Variants in FAT1 observed in about 807,000 individuals in gnomAD.
FAT1 encodes protocadherin Fat 1.
A neutral mutation model predicts 329.8 loss-of-function variants in FAT1; 171 were observed. The observed-to-expected ratio is 0.52, with a 90% CI of 0.46 to 0.59. The LOEUF (loss-of-function observed/expected upper bound fraction) is 0.59. Among genes scored for constraint, FAT1 ranks in the 20% least tolerant of loss-of-function variants. The pLI, the probability that FAT1 is intolerant of heterozygous loss-of-function variation, is 0.00. For missense variants in FAT1, 5,672 were observed against 5,774.4 expected (o/e 0.98, Z 0.57); for synonymous variants, 2,233 against 2,228.6 (o/e 1.00, Z -0.06).
At chr4:186,694,791 G>A (rs541969282) in intron 2 of FAT1, among the ~76,000 whole-genome samples, 106 of 152,126 alleles carry the variant, frequency 7.0e-4, no homozygotes, top group Non-Finnish European at 6.3e-4. Flanking sequence ...GTGAAACCCC[G>A]TCTCTACAAA....
At chr4:186,594,827 A>G (rs1738425429) in intron 26 of FAT1, among the ~76,000 whole-genome samples, 1 of 151,248 alleles carries the variant, frequency 6.6e-6, no homozygotes, top group South Asian at 2.1e-4. Flanking sequence ...TCTGGATTGA[A>G]TAATTATTAG....
chr4:186,720,000 T>A (rs1387958421), intron 1 of FAT1, among the ~76,000 whole-genome samples: 1 of 152,238 alleles, frequency 6.6e-6, no homozygotes, highest in Non-Finnish European at 1.5e-5. Context: ...TAACCTTGCA[T>A]TAAAGACCTT....
In FAT1 at chr4:186,620,791, T is replaced by C. The variant is rs1261720555; in HGVS notation, c.5795A>G (p.Lys1932Arg). The C allele has an allele frequency of 2.5e-6, 4 of 1,614,054 alleles. No homozygotes were observed. The highest frequency in any genetic ancestry group is 3.4e-6 in the Non-Finnish European group (4 of 1,179,908). ...GTTTTGGACAGTGAGAGCACCAGTC[T>C]TGTAGTCCATAGAAAACTTCTCCCC... ...NIGEKFSMDYKTGALTVQNTT... is the reference protein window; with the variant it reads ...NIGEKFSMDYRTGALTVQNTT... Residue 1932 changes from lysine to arginine, a missense_variant, in exon 10 of 27, where the codon AAG becomes AGG. Around this residue, in one of 2 missense-constraint regions of FAT1, gnomAD observed 3,966 missense variants for 3,915.2 expected, o/e 1.01. Coordinates refer to ENST00000441802, the MANE Select transcript of FAT1 (RefSeq NM_005245.4).
At position 186,620,811 on chromosome 4, in the gene FAT1, C is replaced by T. The variant is rs548241825; in HGVS notation, c.5775G>A (p.Glu1925=). 2 of 1,614,018 alleles carry T rather than the reference C, an allele frequency of 1.2e-6. No homozygotes were observed. The highest frequency in any genetic ancestry group is 4.5e-5 in the East Asian group (2 of 44,884). The change falls in exon 10 of 27, where the codon GAG becomes GAA. Residue 1925 remains glutamate, a synonymous_variant. Coordinates refer to ENST00000441802, the MANE Select transcript of FAT1 (RefSeq NM_005245.4). ...IYSITEGNIG[E]KFSMDYKTGA... ...CAGTCTTGTAGTCCATAGAAAACTTCTCCCCGATGTTGCCTTCGGTGATGG... is the reference window on the plus strand; with the variant it reads ...CAGTCTTGTAGTCCATAGAAAACTTTTCCCCGATGTTGCCTTCGGTGATGG...
At chr4:186,692,987 A>G (rs1743858182) in intron 2 of FAT1, among the ~76,000 whole-genome samples, 1 of 152,210 alleles carries the variant, frequency 6.6e-6, no homozygotes, top group African/African-American at 2.4e-5. Context: ...GATCTTTGTG[A>G]TAGAAAATGA....
At position 186,588,151 on chromosome 4, in the gene FAT1, C is replaced by T. The variant is rs542198600; in HGVS notation, c.*441G>A. 35 of 223,472 alleles carry T rather than the reference C, an allele frequency of 1.6e-4. No individual in the cohort carries two copies. The highest frequency in any genetic ancestry group is 7.0e-4 in the African/African-American group (31 of 44,150). The allele number at this position is 223,472 out of a possible 1,614,324, so 13.8% of individuals were successfully genotyped here. On this transcript the variant is annotated 3_prime_UTR_variant, in exon 27 of 27. Transcript: ENST00000441802. ...TAGTAAAAAAAAAAAAATCAGGGTG[C>T]TAGATAATGGCACTGACACCACCAA... is the stretch of plus-strand genomic sequence containing the variant.
chr4:186,634,971 C>T (rs140118025), intron 6 of FAT1, among the ~76,000 whole-genome samples: 5 of 152,356 alleles, frequency 3.3e-5, no homozygotes, highest in African/African-American at 9.6e-5. Flanking sequence ...AGCAAACAAA[C>T]GGTTTTGAGC....
intron 3 of FAT1, among the ~76,000 whole-genome samples, chr4:186,644,882 C>T (rs184529945): frequency 6.6e-6 from 1 of 152,324 alleles, no homozygotes; most frequent in East Asian, 1.9e-4. Flanking sequence ...CTGTGTTGTA[C>T]TGTCCACTCA....
chr4:186,713,732 T>G lies in FAT1; in HGVS notation c.-18-3887A>C, dbSNP rs327092. ...GTGCAGTGGCGCGATCACGGCTCAC[T>G]GAAGCTTTGAGCTTTCCGGGCCCCC... is the stretch of plus-strand genomic sequence containing the variant. On this transcript the variant is annotated intron_variant, in intron 1 of 26. Coordinates refer to ENST00000441802, the MANE Select transcript of FAT1 (RefSeq NM_005245.4). Among the ~76,000 whole-genome samples the G allele has an allele frequency of 9.1e-3, 1,379 of 152,298 alleles. 19 individuals carry two copies. The highest frequency in any genetic ancestry group is 0.032 in the African/African-American group (1,312 of 41,552).
intron 2 of FAT1, among the ~76,000 whole-genome samples, chr4:186,687,328 CA>C (rs1214341607): frequency 2.6e-5 from 4 of 152,060 alleles, no homozygotes; most frequent in Non-Finnish European, 4.4e-5. Context: ...TCAGTGGCAG[CA>C]AGAATGCAGA....
intron 3 of FAT1, among the ~76,000 whole-genome samples, chr4:186,658,046 GTC>G (rs552969370): frequency 2.8e-4 from 42 of 152,316 alleles, no homozygotes; most frequent in African/African-American, 9.9e-4. Flanking sequence ...CTATGCTCCT[GTC>G]TCTCTTCCAC....
intron 21 of FAT1, among the ~76,000 whole-genome samples, chr4:186,600,653 A>C (rs1389910571): frequency 6.6e-6 from 1 of 152,202 alleles, no homozygotes; most frequent in Non-Finnish European, 1.5e-5. Context: ...TAATGTTTTT[A>C]AAAAAGGTGG....
chr4:186,619,593 A>G lies in FAT1; in HGVS notation c.6993T>C (p.Asp2331=). ...QMFGNHSKSH[D]HFHVDSSTGL... is the part of the protein sequence containing the mutation. ...CAGTGCTGCTGTCTACATGAAAATG[A>G]TCATGACTCTTGCTGTGATTCCCAA... The change falls in exon 10 of 27, where the codon GAT becomes GAC. Residue 2331 remains aspartate (D), a synonymous_variant. Coordinates refer to ENST00000441802, the MANE Select transcript of FAT1 (RefSeq NM_005245.4). 6.2e-7 allele frequency: 1 copy of G among 1,613,950 alleles called. No homozygotes were observed. Among genetic ancestry groups the G allele is most frequent in the Admixed American group, 1.7e-5 (1 of 60,028 alleles).
Position 186,595,672 on chromosome 4 carries a change from G to A in FAT1, c.13138+17C>T, listed in dbSNP as rs910507309. ...CAAGCAAGCAAAGCGCAGTGTTGCA[G>A]CACACTGCTGCCTCACCATTGTCAT... On this transcript the variant is annotated intron_variant, in intron 26 of 26. Transcript: ENST00000441802. 1 of 1,613,178 alleles carries A rather than the reference G, an allele frequency of 6.2e-7. No individual in the cohort carries two copies.
chr4:186,651,717 C>T (rs1399638530), intron 3 of FAT1, among the ~76,000 whole-genome samples: 1 of 152,196 alleles, frequency 6.6e-6, no homozygotes, highest in Non-Finnish European at 1.5e-5. Flanking sequence ...GATTGCCTTG[C>T]TGGCCACGAG....
intron 24 of FAT1, chr4:186,597,382 T>A: frequency 1.7e-6 from 1 of 603,764 alleles, no homozygotes; most frequent in Non-Finnish European, 2.8e-6. Flanking sequence ...GCTTTTGATG[T>A]ATATTTGGGA....
intron 2 of FAT1, among the ~76,000 whole-genome samples, chr4:186,668,677 T>C (rs561394418): frequency 6.6e-6 from 1 of 152,216 alleles, no homozygotes; most frequent in Non-Finnish European, 1.5e-5. Flanking sequence ...TTCATCATGC[T>C]TTCACCAGTC....
At position 186,706,905 on chromosome 4, in the gene FAT1, C is replaced by G. The variant is rs769733192; in HGVS notation, c.2923G>C (p.Asp975His). Residue 975 changes from aspartate (D) to histidine (H), a missense_variant, in exon 2 of 27, where the codon GAT (aspartate) becomes CAT (histidine). Physicochemically the swap from Asp to His is moderately conservative, Grantham distance 81. Coordinates refer to ENST00000441802, the MANE Select transcript of FAT1 (RefSeq NM_005245.4). ...ACTGCTCCACTGAGTTTATCCACAT[C>G]GAAGTTTCCTTCTCCGTGGTCCAGA... Reference protein sequence around the residue: ...SLLDHGEGNFDVDKLSGAVRI... With the variant: ...SLLDHGEGNFHVDKLSGAVRI... The G allele has an allele frequency of 6.2e-7, 1 of 1,614,002 alleles. No individual in the cohort carries two copies. Among genetic ancestry groups the G allele is most frequent in the African/African-American group, 1.3e-5 (1 of 75,030 alleles).
chr4:186,608,099 C>A (rs748702684), intron 16 of FAT1, among the ~76,000 whole-genome samples: 8 of 152,190 alleles, frequency 5.3e-5, no homozygotes, highest in Non-Finnish European at 1.0e-4. Flanking sequence ...CCAGTCAAAG[C>A]AAGACCAAAA....
Sources: allele counts gnomAD v4.1 joint callset (sites outside exome capture counted in the v4.1 genomes callset), GRCh38; gene constraint gnomAD v4.1.1; regional missense constraint gnomAD v4.1.1; transcripts MANE v1.5; gene names NCBI Gene and HGNC (gene_info 2026-07-23, HGNC 2026-07-21).